DPYSL2: variants seen among roughly 807,000 people sequenced by gnomAD.
DPYSL2 encodes dihydropyrimidinase like 2.
A neutral mutation model predicts 69.9 loss-of-function variants in DPYSL2; 13 were observed. The observed-to-expected ratio is 0.19, with a 90% confidence interval of 0.12 to 0.30. The LOEUF (loss-of-function observed/expected upper bound fraction) is 0.30, where lower values mean the gene tolerates loss of function less well. Ranked by LOEUF, DPYSL2 falls within the 10% of genes least tolerant of loss-of-function variation. The pLI is 1.00. For synonymous variants in DPYSL2, 326 were observed against 359.1 expected (o/e 0.91, Z 1.04); for missense variants, 587 against 918.9 (o/e 0.64, Z 4.67).
intron 7 of DPYSL2, among the ~76,000 whole-genome samples, chr8:26,632,489 C>A (rs1166643099): frequency 6.6e-6 from 1 of 152,192 alleles, no homozygotes; most frequent in Non-Finnish European, 1.5e-5. Flanking sequence ...TGACAGATGT[C>A]CTGACACTGC....
Position 26,640,278 on chromosome 8 carries a change from GTTC to G in DPYSL2, c.1127-3158_1127-3156del, listed in dbSNP as rs1803012264. 6.6e-6 allele frequency among the ~76,000 whole-genome samples: 1 copy of G among 152,202 alleles called. No individual in the cohort carries two copies. ...TAAGCACCAGCTCCCATCCCCTGCA[GTTC>G]TTGGCCTTATAGAGAGCCTGCCAGA... On this transcript the variant is annotated intron_variant, in intron 8 of 13. Transcript: ENST00000521913. The surrounding 1 kb of genome is among the most constrained non-coding windows in gnomAD (Gnocchi z 4.2).
rs369417250 is a variant in DPYSL2 at position 26,574,533 on chromosome 8, G to T, written c.355-7436G>T. On this transcript the variant is annotated intron_variant, in intron 1 of 13. Coordinates refer to ENST00000521913, the MANE Select transcript of DPYSL2 (RefSeq NM_001197293.3). ...GCATCTGGCTCTTTTATGGTGCTGG[G>T]AGAAAAGTATGGGAAAGTGGAGGTT... Among the ~76,000 whole-genome samples, 27 of 152,200 alleles carry T rather than the reference G, an allele frequency of 1.8e-4. 1 individual carries two copies. The East Asian group carries it at 2.5e-3, about 14-fold the overall frequency.
Position 26,643,800 on chromosome 8 carries a change from G to T in DPYSL2, c.1284-150G>T. ...GATTCTGGATAAAAACCTGGGCCAT[G>T]TTGAAAGTCAAGCCAAGAAGGGAGA... On this transcript the variant is annotated intron_variant, in intron 9 of 13. Coordinates refer to ENST00000521913, the MANE Select transcript of DPYSL2 (RefSeq NM_001197293.3). This position sits in a 1 kb window ranked among gnomAD's most constrained non-coding sequence, Gnocchi z 6.5. The T allele has an allele frequency of 1.6e-6, 2 of 1,266,936 alleles. No homozygotes were observed. The highest frequency in any genetic ancestry group is 3.0e-5 in the South Asian group (2 of 66,820). 78.5% of individuals were successfully genotyped at this position (1,266,936 alleles called of 1,614,324 possible).
chr8:26,634,311 T>C (rs887111244), intron 7 of DPYSL2, among the ~76,000 whole-genome samples: 3 of 152,108 alleles, frequency 2.0e-5, no homozygotes, highest in African/African-American at 4.8e-5. Context: ...GTTGCCCAGG[T>C]TGGAGTATGG....
chr8:26,574,246 G>A (rs901917293), intron 1 of DPYSL2, among the ~76,000 whole-genome samples: 1 of 151,912 alleles, frequency 6.6e-6, no homozygotes, highest in African/African-American at 2.4e-5. Flanking sequence ...GTAGATTAGG[G>A]AGGGCACACT....
intron 8 of DPYSL2, among the ~76,000 whole-genome samples, chr8:26,639,047 T>C (rs1252527993): frequency 1.3e-5 from 2 of 152,166 alleles, no homozygotes; most frequent in Non-Finnish European, 2.9e-5. Context: ...TGCAGAAACA[T>C]TCAGGACATT....
rs1248036078 is a variant in DPYSL2 at position 26,621,341 on chromosome 8, G to A, written c.629-2802G>A. Among the ~76,000 whole-genome samples, 1 of 152,110 alleles carries A rather than the reference G, an allele frequency of 6.6e-6. No individual in the cohort carries two copies. Among genetic ancestry groups the A allele is most frequent in the Non-Finnish European group, 1.5e-5 (1 of 68,042 alleles). ...ATTATTTCTGCTCATTCCCTTTGCT[G>A]GCCAGTGAAAGGAATGCATTTCCAT... is the stretch of plus-strand genomic sequence containing the variant. On this transcript the variant is annotated intron_variant, in intron 3 of 13. Coordinates refer to ENST00000521913, the MANE Select transcript of DPYSL2 (RefSeq NM_001197293.3). The surrounding 1 kb of genome is among the most constrained non-coding windows in gnomAD (Gnocchi z 4.9).
chr8:26,529,243 T>G (rs901308717), intron 1 of DPYSL2, among the ~76,000 whole-genome samples: 6 of 84,286 alleles, frequency 7.1e-5, no homozygotes, highest in Admixed American at 1.6e-4. Flanking sequence ...AATCTATCTA[T>G]CTATCTATCT....
At chr8:26,576,647 G>C (rs1404333636) in intron 1 of DPYSL2, among the ~76,000 whole-genome samples, 1 of 152,242 alleles carries the variant, frequency 6.6e-6, no homozygotes, top group Non-Finnish European at 1.5e-5. Context: ...AAGGGGCCTT[G>C]AGTGCCGTTT....
chr8:26,602,232 C>A (rs924489637), intron 3 of DPYSL2, among the ~76,000 whole-genome samples: 12 of 149,504 alleles, frequency 8.0e-5, no homozygotes, highest in Admixed American at 2.0e-4. Context: ...TGGGTCTGGG[C>A]CATGCCTTTG....
In DPYSL2 at chr8:26,652,475, C is replaced by T. The variant is rs1371872370; in HGVS notation, c.1776+39C>T. The T allele has an allele frequency of 8.3e-6, 13 of 1,563,062 alleles. 1 individual carries two copies. Among genetic ancestry groups the T allele is most frequent in the South Asian group, 7.0e-5 (6 of 85,172 alleles). On this transcript the variant is annotated intron_variant, in intron 12 of 13. Coordinates refer to ENST00000521913, the MANE Select transcript of DPYSL2 (RefSeq NM_001197293.3). This position sits in a 1 kb window ranked among gnomAD's most constrained non-coding sequence, Gnocchi z 6.3. ...TTCTGATGAATTTTTTGTTAAATCA[C>T]GAATTAAGTTCAAGGCCACAAACAT... is the stretch of plus-strand genomic sequence containing the variant.
chr8:26,551,004 T>G (rs1047174927), intron 1 of DPYSL2, among the ~76,000 whole-genome samples: 9 of 152,182 alleles, frequency 5.9e-5, no homozygotes, highest in African/African-American at 2.2e-4. Context: ...AGTTGGATGG[T>G]GCCCACTCAC....
In DPYSL2 at chr8:26,591,404, CAT is replaced by C. The variant is rs1488224135; in HGVS notation, c.628+7422_628+7423del. Among the ~76,000 whole-genome samples the C allele has an allele frequency of 2.0e-5, 3 of 152,186 alleles. No individual in the cohort carries two copies. The highest frequency in any genetic ancestry group is 4.4e-5 in the Non-Finnish European group (3 of 68,042). On this transcript the variant is annotated intron_variant, in intron 3 of 13. Coordinates refer to ENST00000521913, the MANE Select transcript of DPYSL2 (RefSeq NM_001197293.3). This position sits in a 1 kb window ranked among gnomAD's most constrained non-coding sequence, Gnocchi z 5.8. ...GCTAGATGAAAGCTTCCACGACACA[CAT>C]GTGTCTAAGTGTGCCCTTGTCCTAT... is the stretch of plus-strand genomic sequence containing the variant.
rs1355865601 is a variant in DPYSL2 at position 26,580,644 on chromosome 8, C to T, written c.355-1325C>T. On this transcript the variant is annotated intron_variant, in intron 1 of 13. Coordinates refer to ENST00000521913, the MANE Select transcript of DPYSL2 (RefSeq NM_001197293.3). The surrounding 1 kb of genome is among the most constrained non-coding windows in gnomAD (Gnocchi z 4.1). ...TTCCTTGCTCTCTAGTAGCTTATCT[C>T]TTTTTTAAAGATTTTCTATGATTTC... 6.6e-6 allele frequency among the ~76,000 whole-genome samples: 1 copy of T among 152,130 alleles called. No homozygotes were observed. Among genetic ancestry groups the T allele is most frequent in the Admixed American group, 6.6e-5 (1 of 15,264 alleles).
At chr8:26,556,526 G>T (rs1010370595) in intron 1 of DPYSL2, among the ~76,000 whole-genome samples, 1 of 148,288 alleles carries the variant, frequency 6.7e-6, no homozygotes, top group African/African-American at 2.5e-5. Flanking sequence ...AAAGTCAGCT[G>T]CTTTTGTATA....
intron 3 of DPYSL2, among the ~76,000 whole-genome samples, chr8:26,584,828 AG>A (rs1801564485): frequency 6.6e-6 from 1 of 152,084 alleles, no homozygotes; most frequent in African/African-American, 2.4e-5. Context: ...CATGTTAGTC[AG>A]GCTGGTCTCG....
At chr8:26,645,951 C>T (rs149182176) in intron 10 of DPYSL2, among the ~76,000 whole-genome samples, 57 of 152,194 alleles carry the variant, frequency 3.7e-4, no homozygotes, top group African/African-American at 1.3e-3. Context: ...CTGCAACGTC[C>T]GCCTCCCGGG....
intron 1 of DPYSL2, among the ~76,000 whole-genome samples, chr8:26,556,032 G>GTA (rs1360653720): frequency 1.1e-5 from 1 of 93,148 alleles, no homozygotes; most frequent in Admixed American, 1.7e-4. Context: ...ATATATATAA[G>GTA]TATATATATA....
In DPYSL2 at chr8:26,653,786, C is replaced by G. The variant is rs1803327084; in HGVS notation, c.1942+389C>G. ...TTGGCCAGGCTGATAGAACTCCTGA[C>G]TTCAGGTGATCTGCCCGCCTCGGCC... On this transcript the variant is annotated intron_variant, in intron 13 of 13. Coordinates refer to ENST00000521913, the MANE Select transcript of DPYSL2 (RefSeq NM_001197293.3). This position sits in a 1 kb window ranked among gnomAD's most constrained non-coding sequence, Gnocchi z 5.7. 6.6e-6 allele frequency among the ~76,000 whole-genome samples: 1 copy of G among 152,068 alleles called. No homozygotes were observed. Among genetic ancestry groups the G allele is most frequent in the Non-Finnish European group, 1.5e-5 (1 of 68,022 alleles).
Sources: allele counts gnomAD v4.1 joint callset (sites outside exome capture counted in the v4.1 genomes callset), GRCh38; gene constraint gnomAD v4.1.1; non-coding constraint Gnocchi (gnomAD v3.1); transcripts MANE v1.5; gene names NCBI Gene and HGNC (gene_info 2026-07-23, HGNC 2026-07-21).